The following DZANK1 variants were observed in gnomAD, a reference collection of about 807,000 sequenced individuals.
DZANK1 encodes double zinc ribbon and ankyrin repeat domains 1, also known as double zinc ribbon and ankyrin repeat-containing protein 1.
Under a neutral mutation model 94.5 loss-of-function variants are expected in DZANK1, and 91 were observed. That is an observed-to-expected ratio of 0.96 (90% CI 0.81 to 1.15). The LOEUF is 1.15. DZANK1 is among the 50% of genes most tolerant of loss of function. The pLI is 0.00. For missense variants in DZANK1, 903 were observed against 916.4 expected (o/e 0.99, Z 0.19); for synonymous variants, 312 against 325.3 (o/e 0.96, Z 0.44).
chr20:18,431,422 C>G (rs951157967), intron 9 of DZANK1, among the ~76,000 whole-genome samples: 7 of 152,206 alleles, frequency 4.6e-5, no homozygotes, highest in African/African-American at 7.2e-5. Context: ...ATGCTGCCGC[C>G]TGCCGGGAGG....
chr20:18,413,153 T>G (rs1195810474), intron 12 of DZANK1: 6 of 420,690 alleles, frequency 1.4e-5, no homozygotes, highest in Non-Finnish European at 2.6e-5. Flanking sequence ...CAATAGAGCA[T>G]AGACTTCACT....
In DZANK1 at chr20:18,411,741, T is replaced by C. The variant is rs372665704; in HGVS notation, c.1432+905A>G. ...GCAAACTGTCTTAGTCCATTTGTGC[T>C]GCTATAAACAAAATACTTGAGACTG... On this transcript the variant is annotated intron_variant, in intron 13 of 20. Coordinates refer to ENST00000262547, the Ensembl canonical transcript of DZANK1. Among the ~76,000 whole-genome samples the C allele has an allele frequency of 7.2e-5, 11 of 152,342 alleles. No homozygotes were observed. The South Asian group carries it at 1.9e-3, about 26-fold the overall frequency.
chr20:18,451,814 C>G lies in DZANK1; in HGVS notation c.543+801G>C, dbSNP rs754836507. 3 of 508,092 alleles carry G rather than the reference C, an allele frequency of 5.9e-6. No homozygotes were observed. The Admixed American group carries it at 6.1e-5, about 10-fold the overall frequency. The allele number at this position is 508,092 out of a possible 1,614,324, so 31.5% of individuals were successfully genotyped here. On this transcript the variant is annotated intron_variant, in intron 6 of 20. Coordinates refer to ENST00000262547, the Ensembl canonical transcript of DZANK1. Reference sequence around the variant, plus strand: ...AGCAAAGCCCGCCTCCTATCCTGACCACCTCTACAACCTTGGTCCAAGTCA... The same window carrying G: ...AGCAAAGCCCGCCTCCTATCCTGACGACCTCTACAACCTTGGTCCAAGTCA...
exon 2 of DZANK1, chr20:18,465,357 ATT>A: frequency 6.4e-7 from 1 of 1,563,588 alleles, no homozygotes; most frequent in Non-Finnish European, 8.7e-7. Context: ...ACCAGCAGTC[ATT>A]TTCTCTCTCT....
exon 17 of DZANK1, chr20:18,393,767 T>G (rs776882051): frequency 6.2e-7 from 1 of 1,613,588 alleles, no homozygotes; most frequent in African/African-American, 1.3e-5. Context: ...TTTATCCTTT[T>G]GATTTTTTCA....
chr20:18,385,068 C>A lies in DZANK1; in HGVS notation c.2041G>T (p.Glu681Ter). The A allele has an allele frequency of 6.4e-7, 1 of 1,553,234 alleles. No homozygotes were observed. The change falls in exon 20 of 21, where the codon GAA (glutamate) becomes TAA (stop). Residue 681 changes from glutamate to a stop codon, truncating the protein, a stop_gained. Transcript: ENST00000262547. LOFTEE classifies it high-confidence loss of function. ...CCTGCAAGGCCAAGCAGAGTTGCTT[C>A]ATGAAGAGCTGTATTTCTGAGCCTA...
intron 2 of DZANK1, among the ~76,000 whole-genome samples, chr20:18,464,804 T>C (rs2059590322): frequency 6.6e-6 from 1 of 151,412 alleles, no homozygotes; most frequent in Non-Finnish European, 1.5e-5. Flanking sequence ...ACCTCCTGAG[T>C]TGCTAGGATT....
intron 12 of DZANK1, 33 bp downstream of exon 12, chr20:18,414,315 G>T: frequency 6.2e-7 from 1 of 1,609,530 alleles, no homozygotes. Flanking sequence ...GCCTCTTCCT[G>T]GGTACCAGTT....
chr20:18,432,229 T>C (rs1227000096), intron 9 of DZANK1, among the ~76,000 whole-genome samples: 1 of 152,232 alleles, frequency 6.6e-6, no homozygotes, highest in Non-Finnish European at 1.5e-5. Context: ...CTATTCTTCC[T>C]GTTCTGAATA....
At chr20:18,416,979 A>G (rs1174514634) in intron 10 of DZANK1, among the ~76,000 whole-genome samples, 1 of 151,974 alleles carries the variant, frequency 6.6e-6, no homozygotes, top group Non-Finnish European at 1.5e-5. Context: ...CATTGCTTTA[A>G]AGAAAGAAAA....
At chr20:18,393,029 C>A (rs1159933375) in intron 17 of DZANK1, among the ~76,000 whole-genome samples, 5 of 152,210 alleles carry the variant, frequency 3.3e-5, no homozygotes, top group African/African-American at 1.2e-4. Context: ...TGCACTTTGC[C>A]CTGATAACTA....
At chr20:18,412,399 G>A (rs1226316124) in intron 13 of DZANK1, among the ~76,000 whole-genome samples, 4 of 152,178 alleles carry the variant, frequency 2.6e-5, no homozygotes, top group South Asian at 4.1e-4. Flanking sequence ...ACCCACATGC[G>A]CCATGTGACT....
intron 15 of DZANK1, 136 bp from the exon 16 acceptor site, chr20:18,394,486 G>C: frequency 1.1e-6 from 1 of 876,952 alleles, no homozygotes; most frequent in South Asian, 1.4e-5. Context: ...CTGAGACCTG[G>C]ATGTCCTTCC....
chr20:18,454,053 T>C (rs2148768574), intron 4 of DZANK1: 1 of 634,196 alleles, frequency 1.6e-6, no homozygotes, highest in African/African-American at 1.8e-5. Context: ...CCAGGTGAAG[T>C]GGCCAAGGCA....
At chr20:18,419,395 G>T (rs371835549) in intron 10 of DZANK1, among the ~76,000 whole-genome samples, 1 of 151,986 alleles carries the variant, frequency 6.6e-6, no homozygotes, top group Non-Finnish European at 1.5e-5. Context: ...AATCATGGCC[G>T]AACAATTCCT....
chr20:18,399,171 C>T (rs2056529802), intron 13 of DZANK1, among the ~76,000 whole-genome samples: 1 of 151,386 alleles, frequency 6.6e-6, no homozygotes, highest in African/African-American at 2.4e-5. Context: ...TTGATTGCCA[C>T]ACATGGGGTC....
At chr20:18,414,629 C>T (rs1469881877) in intron 11 of DZANK1, 117 bp from the exon 12 acceptor site, 1 of 1,230,688 alleles carries the variant, frequency 8.1e-7, no homozygotes, top group Non-Finnish European at 1.1e-6. Flanking sequence ...ATTCTACCTT[C>T]CAGAATTTAT....
At chr20:18,435,584 G>A (rs191486800) in intron 8 of DZANK1, among the ~76,000 whole-genome samples, 181 of 152,160 alleles carry the variant, frequency 1.2e-3, no homozygotes, top group Non-Finnish European at 1.7e-3. Flanking sequence ...ATCACACACC[G>A]GGGTCTGTCG....
rs2057206382 is a variant in DZANK1, at chr20:18,410,639, A to C, written c.1432+2007T>G. Reference sequence around the variant, plus strand: ...AAAACAAACAAACAGGGATTGTCAGAATGGACAAAAAACCCTGATTCATGG... The same window carrying C: ...AAAACAAACAAACAGGGATTGTCAGCATGGACAAAAAACCCTGATTCATGG... On this transcript the variant is annotated intron_variant, in intron 13 of 20. Coordinates refer to ENST00000262547, the Ensembl canonical transcript of DZANK1. 2.0e-5 allele frequency among the ~76,000 whole-genome samples: 3 copies of C among 152,210 alleles called. No individual in the cohort carries two copies. The South Asian group carries it at 6.2e-4, about 32-fold the overall frequency.
Sources: allele counts gnomAD v4.1 joint callset (sites outside exome capture counted in the v4.1 genomes callset), GRCh38; gene constraint gnomAD v4.1.1; transcripts MANE v1.5; gene names NCBI Gene and HGNC (gene_info 2026-07-23, HGNC 2026-07-21).